Variants in SLC22A16 observed in about 807,000 individuals in gnomAD.
SLC22A16 encodes the protein solute carrier family 22 member 16.
SLC22A16 carries 53 observed loss-of-function variants against 52.9 expected under a neutral mutation model. That is an observed-to-expected ratio of 1.00 (90% CI 0.80 to 1.26). The LOEUF (loss-of-function observed/expected upper bound fraction) is 1.26, where lower values mean the gene tolerates loss of function less well. SLC22A16 is among the 50% of genes most tolerant of loss of function. The pLI, the probability that SLC22A16 is intolerant of heterozygous loss-of-function variation, is 0.00. For synonymous variants in SLC22A16, 291 were observed against 268.8 expected (o/e 1.08, Z -0.81); for missense variants, 726 against 704.0 (o/e 1.03, Z -0.35).
chr6:110,476,382 G>C, intron 1 of SLC22A16, 140 bp downstream of exon 1: 6 of 1,376,952 alleles, frequency 4.4e-6, no homozygotes, highest in South Asian at 3.4e-5. Context: ...CTGGACGCCC[G>C]TGTCCCGACT....
At chr6:110,461,554 C>CA (rs1193382943) in intron 1 of SLC22A16, among the ~76,000 whole-genome samples, 1 of 151,458 alleles carries the variant, frequency 6.6e-6, no homozygotes, top group Non-Finnish European at 1.5e-5. Flanking sequence ...CATCATCAAA[C>CA]AAAAAACCTG....
chr6:110,438,680 C>T (rs780816751), intron 5 of SLC22A16, 40 bp downstream of exon 5: 1 of 1,579,598 alleles, frequency 6.3e-7, no homozygotes, highest in Non-Finnish European at 8.6e-7. Flanking sequence ...ATCAAACTGT[C>T]ACAGTATAAC....
chr6:110,465,813 G>C (rs929346038), intron 1 of SLC22A16, among the ~76,000 whole-genome samples: 1 of 152,110 alleles, frequency 6.6e-6, no homozygotes, highest in African/African-American at 2.4e-5. Context: ...AACCACAAAA[G>C]AGCCCAAATA....
intron 1 of SLC22A16, among the ~76,000 whole-genome samples, chr6:110,459,226 A>G (rs932356846): frequency 1.3e-5 from 2 of 152,208 alleles, no homozygotes; most frequent in African/African-American, 4.8e-5. Flanking sequence ...TAGGCTTAGT[A>G]ACTTGCTTCT....
intron 2 of SLC22A16, among the ~76,000 whole-genome samples, chr6:110,450,754 T>C (rs1474475098): frequency 1.3e-5 from 2 of 151,990 alleles, no homozygotes; most frequent in African/African-American, 2.4e-5. Flanking sequence ...ATTTTATACA[T>C]ATATAACCAT....
rs772281496 is a variant in SLC22A16, at chr6:110,456,567, T to A, written c.504A>T (p.Gly168=). 4 of 1,613,984 alleles carry A rather than the reference T, an allele frequency of 2.5e-6. No homozygotes were observed. The African/African-American group carries it at 4.0e-5, about 16-fold the overall frequency. ...QPLFMFGVLL[G]SVTFGYFSDR... ...CAGAAAAGTAGCCAAAAGTCACCGA[T>A]CCCAGTAGGACTCCAAACATAAATA... is the stretch of plus-strand genomic sequence containing the variant. The change falls in exon 2 of 8, where the codon GGA becomes GGT. Residue 168 remains glycine (G), a synonymous_variant. Transcript: ENST00000368919.
intron 5 of SLC22A16, among the ~76,000 whole-genome samples, chr6:110,438,071 G>A (rs71562227): frequency 0.096 from 14,571 of 151,606 alleles, 725 homozygotes; most frequent in Middle Eastern, 0.14. Flanking sequence ...CACCATCCTC[G>A]ACCACCCTAG....
chr6:110,465,754 A>G (rs1776038673), intron 1 of SLC22A16, among the ~76,000 whole-genome samples: 1 of 152,244 alleles, frequency 6.6e-6, no homozygotes, highest in South Asian at 2.1e-4. Flanking sequence ...CTATAGAATC[A>G]GCATTATTTT....
In SLC22A16 at chr6:110,457,034, G is replaced by C. The variant is rs1775689622; in HGVS notation, c.54-17C>G. The C allele has an allele frequency of 2.6e-6, 4 of 1,515,244 alleles. No homozygotes were observed. Among genetic ancestry groups the C allele is most frequent in the Non-Finnish European group, 3.5e-6 (4 of 1,134,134 alleles). The allele number at this position is 1,515,244 out of a possible 1,614,324, so 93.9% of individuals were successfully genotyped here. A position where few individuals can be genotyped will look rare whatever the true frequency, so the allele number is the denominator to read the frequency against. On this transcript the variant is annotated splice_polypyrimidine_tract_variant and intron_variant, in intron 1 of 7. Transcript: ENST00000368919. Reference sequence around the variant, plus strand: ...CTCTGGAATCTGCAAGAGAAGAAAAGCTAATTATTATATCTGGTCTATAGG... The same window carrying C: ...CTCTGGAATCTGCAAGAGAAGAAAACCTAATTATTATATCTGGTCTATAGG...
At chr6:110,471,101 G>A (rs113851031) in intron 1 of SLC22A16, among the ~76,000 whole-genome samples, 12 of 152,124 alleles carry the variant, frequency 7.9e-5, no homozygotes, top group African/African-American at 2.2e-4. Flanking sequence ...ACAAAACGAC[G>A]TTTCGGTCAA....
At chr6:110,436,534 G>A (rs1774738607) in intron 5 of SLC22A16, among the ~76,000 whole-genome samples, 1 of 152,166 alleles carries the variant, frequency 6.6e-6, no homozygotes, top group African/African-American at 2.4e-5. Context: ...GCTAAGGCAG[G>A]AGGATCATTT....
rs182723290 is a variant in SLC22A16 at position 110,428,899 on chromosome 6, G to A, written c.1521+2272C>T. ...CAGACCACTGCACTCCCGCCTGGTC[G>A]ACAGAGCAAGACTCTGTCTCAGAAG... On this transcript the variant is annotated intron_variant, in intron 7 of 7. Coordinates refer to ENST00000368919, the MANE Select transcript of SLC22A16 (RefSeq NM_033125.4). 1.2e-3 allele frequency among the ~76,000 whole-genome samples: 183 copies of A among 152,224 alleles called. 1 individual carries two copies. Among genetic ancestry groups the A allele is most frequent in the Non-Finnish European group, 2.3e-3 (155 of 68,014 alleles).
In SLC22A16 at chr6:110,431,548, T is replaced by C. The variant is rs181759106; in HGVS notation, c.1422-278A>G. ...CAGTGCAGTAACATGCTGTGGAGGG[T>C]CACAGCCGAGGAGGAATAAGCTGTG... On this transcript the variant is annotated intron_variant, in intron 6 of 7. Transcript: ENST00000368919. Among the ~76,000 whole-genome samples the C allele has an allele frequency of 1.8e-3, 270 of 152,248 alleles. 3 individuals carry two copies. Among genetic ancestry groups the C allele is most frequent in the African/African-American group, 6.3e-3 (262 of 41,544 alleles).
At chr6:110,455,483 C>T (rs756627392) in intron 2 of SLC22A16, 1 of 152,090 alleles carries the variant, frequency 6.6e-6, no homozygotes, top group Non-Finnish European at 1.5e-5. Flanking sequence ...GCAGGGATTT[C>T]TGATCTAAGC....
chr6:110,468,447 C>G (rs573905613), intron 1 of SLC22A16, among the ~76,000 whole-genome samples: 1 of 152,168 alleles, frequency 6.6e-6, no homozygotes, highest in East Asian at 1.9e-4. Context: ...GAGTTCAAGA[C>G]AAGCCTGGCC....
At chr6:110,447,049 T>C (rs562428083) in intron 2 of SLC22A16, 59 bp from the exon 3 acceptor site, 2 of 1,328,156 alleles carry the variant, frequency 1.5e-6, no homozygotes, top group African/African-American at 1.5e-5. Context: ...AGTTTAAACA[T>C]CCACTCCAAT....
intron 5 of SLC22A16, among the ~76,000 whole-genome samples, chr6:110,438,037 A>T (rs1774801210): frequency 1.3e-5 from 2 of 152,202 alleles, no homozygotes. Context: ...GTTTCTGATT[A>T]CATGTCGCCT....
At position 110,456,996 on chromosome 6, in the gene SLC22A16, G is replaced by C. The variant is rs1775687677; in HGVS notation, c.75C>G (p.Phe25Leu). Residue 25 changes from phenylalanine (F) to leucine (L), a missense_variant, in exon 2 of 8, where the codon TTC (phenylalanine) becomes TTG (leucine). Transcript: ENST00000368919. Reference protein sequence around the residue: ...HFGRFQRVLYFICAFQNISCG... With the variant: ...HFGRFQRVLYLICAFQNISCG... ...AAGAGATGTTCTGGAAGGCACATAT[G>C]AAATAGAGGACTCTCTGGAATCTGC... is the stretch of plus-strand genomic sequence containing the variant. 1 of 1,543,544 alleles carries C rather than the reference G, an allele frequency of 6.5e-7. No individual in the cohort carries two copies. The highest frequency in any genetic ancestry group is 1.3e-5 in the South Asian group (1 of 78,404).
chr6:110,443,029 T>C (rs1192100554), intron 3 of SLC22A16, among the ~76,000 whole-genome samples: 1 of 152,232 alleles, frequency 6.6e-6, no homozygotes, highest in Admixed American at 6.5e-5. Context: ...TGTTAGACAT[T>C]GTCTTTTGTG....
Sources: allele counts gnomAD v4.1 joint callset (sites outside exome capture counted in the v4.1 genomes callset), GRCh38; gene constraint gnomAD v4.1.1; transcripts MANE v1.5; gene names NCBI Gene and HGNC (gene_info 2026-07-23, HGNC 2026-07-21).